The following NTRK2 variants were observed in gnomAD, a reference collection of about 807,000 sequenced individuals.
NTRK2 encodes neurotrophic receptor tyrosine kinase 2, also known as BDNF/NT-3 growth factors receptor.
Under a neutral mutation model 94.5 loss-of-function variants are expected in NTRK2, and 13 were observed. The observed-to-expected ratio is 0.14, with a 90% confidence interval of 0.09 to 0.22. The LOEUF (loss-of-function observed/expected upper bound fraction) is 0.22. NTRK2 is among the 10% of genes least tolerant of loss of function. The pLI is 1.00. For synonymous variants in NTRK2, 372 were observed against 407.4 expected, an observed-to-expected ratio of 0.91 and a Z score of 1.05; for missense variants, 639 against 1,071.2, an observed-to-expected ratio of 0.60 and a Z score of 5.63.
chr9:84,789,897 A>G (rs2068548049), intron 12 of NTRK2, among the ~76,000 whole-genome samples: 1 of 152,164 alleles, frequency 6.6e-6, no homozygotes, highest in Admixed American at 6.6e-5. Context: ...GTGGCAATGT[A>G]GTGGATGTAG....
chr9:84,736,219 C>G (rs1217539833), intron 9 of NTRK2, among the ~76,000 whole-genome samples: 1 of 152,176 alleles, frequency 6.6e-6, no homozygotes, highest in Non-Finnish European at 1.5e-5. Context: ...GGAAGAATGT[C>G]ACAGCTCAAG....
chr9:84,679,212 A>G (rs538800625), intron 2 of NTRK2, among the ~76,000 whole-genome samples: 1 of 152,302 alleles, frequency 6.6e-6, no homozygotes, highest in South Asian at 2.1e-4. Context: ...TTAGCAGCCC[A>G]CATGGACTAA....
chr9:84,949,351 C>T (rs1396660046), intron 16 of NTRK2, among the ~76,000 whole-genome samples: 8 of 152,104 alleles, frequency 5.3e-5, no homozygotes, highest in Admixed American at 2.6e-4. Flanking sequence ...AAAGGCAAGG[C>T]AAGGAAGAGA....
intron 2 of NTRK2, among the ~76,000 whole-genome samples, chr9:84,680,314 T>G (rs879595990): frequency 2.6e-5 from 4 of 152,198 alleles, no homozygotes; most frequent in Non-Finnish European, 5.9e-5. Flanking sequence ...AGCATTGATG[T>G]GTAGATGGGA....
At chr9:84,788,761 G>A (rs1197703838) in intron 12 of NTRK2, among the ~76,000 whole-genome samples, 1 of 152,116 alleles carries the variant, frequency 6.6e-6, no homozygotes, top group Admixed American at 6.5e-5. Flanking sequence ...GGCCTAAAGT[G>A]GATGTTAGGT....
At chr9:84,776,106 T>A (rs2067004957) in intron 12 of NTRK2, among the ~76,000 whole-genome samples, 2 of 152,138 alleles carry the variant, frequency 1.3e-5, no homozygotes, top group Non-Finnish European at 1.5e-5. Context: ...AGGCACACAG[T>A]TGGTACCTGT....
At chr9:84,904,404 TCTC>T in intron 14 of NTRK2, among the ~76,000 whole-genome samples, 1 of 152,292 alleles carries the variant, frequency 6.6e-6, no homozygotes, top group East Asian at 1.9e-4. Context: ...CTTTGCTTTA[TCTC>T]CTCTTCCTCC....
At chr9:84,780,746 T>C (rs777686273) in intron 12 of NTRK2, among the ~76,000 whole-genome samples, 8 of 152,332 alleles carry the variant, frequency 5.3e-5, no homozygotes, top group Non-Finnish European at 8.8e-5. Flanking sequence ...TAGACCTCAC[T>C]GGTCCATAGT....
chr9:84,845,434 T>C (rs1267165380), intron 12 of NTRK2, among the ~76,000 whole-genome samples: 1 of 152,206 alleles, frequency 6.6e-6, no homozygotes, highest in African/African-American at 2.4e-5. Flanking sequence ...AATACAGATG[T>C]CTCATTTCAT....
intron 6 of NTRK2, among the ~76,000 whole-genome samples, chr9:84,719,611 C>T (rs1010576093): frequency 6.6e-6 from 1 of 152,078 alleles, no homozygotes; most frequent in African/African-American, 2.4e-5. Context: ...TGTCTTTAGG[C>T]TTCATCAGTG....
chr9:84,938,449 C>G (rs961377420), intron 15 of NTRK2, among the ~76,000 whole-genome samples: 1 of 152,190 alleles, frequency 6.6e-6, no homozygotes, highest in African/African-American at 2.4e-5. Context: ...GAAGGATGTG[C>G]CTTGTTTGCT....
intron 12 of NTRK2, among the ~76,000 whole-genome samples, chr9:84,758,849 A>G (rs748307126): frequency 1.1e-4 from 16 of 152,242 alleles, no homozygotes; most frequent in Admixed American, 4.6e-4. Flanking sequence ...TAATAAAGCA[A>G]AAGAGAAATT....
chr9:84,823,191 A>G (rs996295778), intron 12 of NTRK2, among the ~76,000 whole-genome samples: 18 of 152,188 alleles, frequency 1.2e-4, no homozygotes, highest in African/African-American at 3.9e-4. Context: ...TTATGGCAAC[A>G]TAAAACAACA....
At chr9:84,877,283 G>A (rs2076101721) in intron 14 of NTRK2, 1 of 1,065,924 alleles carries the variant, frequency 9.4e-7, no homozygotes, top group Non-Finnish European at 1.1e-6. Flanking sequence ...GTCATTGAGG[G>A]CCTTTGTGCC....
In NTRK2 at chr9:85,025,621, T is replaced by C. The variant is rs886297024; in HGVS notation, c.*4184T>C. 1 of 233,152 alleles carries C rather than the reference T, an allele frequency of 4.3e-6. No individual in the cohort carries two copies. 14.4% of individuals were successfully genotyped at this position (233,152 alleles called of 1,614,324 possible). ...CTGCCTGTAATACCAATAACATTGTTGTATCTAACTAAATAAATGACTGCA... is the reference window on the plus strand; with the variant it reads ...CTGCCTGTAATACCAATAACATTGTCGTATCTAACTAAATAAATGACTGCA... On this transcript the variant is annotated 3_prime_UTR_variant, in exon 19 of 19. Transcript: ENST00000277120.
At chr9:84,883,873 G>C (rs1284941220) in intron 14 of NTRK2, among the ~76,000 whole-genome samples, 2 of 152,140 alleles carry the variant, frequency 1.3e-5, no homozygotes, top group African/African-American at 4.8e-5. Context: ...CAAAATTCAA[G>C]TTCACTAACC....
intron 17 of NTRK2, among the ~76,000 whole-genome samples, chr9:85,012,074 C>T (rs1390593072): frequency 1.3e-5 from 2 of 151,514 alleles, no homozygotes; most frequent in African/African-American, 2.4e-5. Flanking sequence ...CTGCAACCTC[C>T]GCCTCCCAGG....
At chr9:84,792,863 C>T (rs552100161) in intron 12 of NTRK2, among the ~76,000 whole-genome samples, 17 of 152,296 alleles carry the variant, frequency 1.1e-4, no homozygotes, top group African/African-American at 3.9e-4. Flanking sequence ...TCTCTAGTCA[C>T]ACTATAAAAT....
intron 17 of NTRK2, among the ~76,000 whole-genome samples, chr9:84,967,862 G>T (rs1037389745): frequency 5.3e-5 from 8 of 152,218 alleles, no homozygotes; most frequent in African/African-American, 7.2e-5. Context: ...AGGAGAAATT[G>T]CAGGGTGAGT....
Sources: allele counts gnomAD v4.1 joint callset (sites outside exome capture counted in the v4.1 genomes callset), GRCh38; gene constraint gnomAD v4.1.1; transcripts MANE v1.5; gene names NCBI Gene and HGNC (gene_info 2026-07-23, HGNC 2026-07-21).